The following PLCG2 variants were observed in gnomAD, a reference collection of about 807,000 sequenced individuals.
PLCG2 encodes the protein phospholipase C gamma 2.
In PLCG2, 69 loss-of-function variants were observed where a neutral mutation model predicts 175.6. The observed-to-expected ratio is 0.39, with a 90% CI of 0.32 to 0.48. The LOEUF (loss-of-function observed/expected upper bound fraction) is 0.48, where lower values mean the gene tolerates loss of function less well. Among genes scored for constraint, PLCG2 ranks in the 20% least tolerant of loss-of-function variants. PLCG2 has a pLI of 0.91. For synonymous variants in PLCG2, 827 were observed against 624.0 expected, an observed-to-expected ratio of 1.33 and a Z score of -4.85; for missense variants, 1,798 against 1,650.9, an observed-to-expected ratio of 1.09 and a Z score of -1.54.
chr16:81,742,612 C>T (rs528471839), intron 1 of PLCG2, among the ~76,000 whole-genome samples: 30 of 152,296 alleles, frequency 2.0e-4, no homozygotes, highest in African/African-American at 7.0e-4. Context: ...GTGCTGGGAA[C>T]TGGGGTGGAC....
rs1223807834 is a variant in PLCG2 at position 81,865,981 on chromosome 16, C to T, written c.480-3233C>T. ...TCCCAGGATGGGCTCCACTGGGGCACCAGCGTGAGAGGACGCTGGCCTCTC... is the reference window on the plus strand; with the variant it reads ...TCCCAGGATGGGCTCCACTGGGGCATCAGCGTGAGAGGACGCTGGCCTCTC... On this transcript the variant is annotated intron_variant, in intron 5 of 32. Transcript: ENST00000564138. Among the ~76,000 whole-genome samples, 6 of 132,458 alleles carry T rather than the reference C, an allele frequency of 4.5e-5. No homozygotes were observed. The East Asian group carries it at 1.5e-3, about 32-fold the overall frequency. 86.9% of individuals were successfully genotyped at this position (132,458 alleles called of 152,430 possible).
intron 2 of PLCG2, among the ~76,000 whole-genome samples, chr16:81,762,825 A>G (rs1488782161): frequency 1.3e-5 from 2 of 152,222 alleles, no homozygotes; most frequent in Non-Finnish European, 2.9e-5. Flanking sequence ...TGGGTGGCCA[A>G]GGCAGGAGGA....
At chr16:81,830,179 G>T (rs1391028811) in intron 2 of PLCG2, among the ~76,000 whole-genome samples, 1 of 152,000 alleles carries the variant, frequency 6.6e-6, no homozygotes, top group South Asian at 2.1e-4. Flanking sequence ...AATTAGCCAG[G>T]CATGTTGGCA....
At chr16:81,829,632 G>C (rs1905182127) in intron 2 of PLCG2, among the ~76,000 whole-genome samples, 1 of 152,212 alleles carries the variant, frequency 6.6e-6, no homozygotes, top group Non-Finnish European at 1.5e-5. Flanking sequence ...CTCCTCGTAT[G>C]TTCTCCTTCT....
At chr16:81,895,640 AG>A in intron 12 of PLCG2, 166 bp from the exon 13 acceptor site, 1 of 659,440 alleles carries the variant, frequency 1.5e-6, no homozygotes, top group Non-Finnish European at 2.6e-6. Flanking sequence ...GTAAGCGCAC[AG>A]GGAACCCTGC....
intron 2 of PLCG2, among the ~76,000 whole-genome samples, chr16:81,852,990 C>G (rs749377727): frequency 7.2e-5 from 11 of 152,170 alleles, no homozygotes; most frequent in East Asian, 1.9e-4. Context: ...TACACAGAGG[C>G]TGGCTTCCCC....
rs1424879450 is a variant in PLCG2 at position 81,786,157 on chromosome 16, G to A, written c.168G>A (p.Lys56=). 5 of 1,614,034 alleles carry A rather than the reference G, an allele frequency of 3.1e-6. No homozygotes were observed. In the South Asian group the frequency reaches 4.4e-5, roughly 14 times the overall value. Residue 56 remains lysine (K), a synonymous_variant, in exon 2 of 33, where the codon AAG becomes AAA. Coordinates refer to ENST00000564138, the MANE Select transcript of PLCG2 (RefSeq NM_002661.5). ...AGACGCGGCAGGTGGCCTGGAGCAA[G>A]ACCGCTGACAAGATCGAGGGCTTCT... The part of the protein sequence containing the change: ...IMETRQVAWS[K]TADKIEGFLD...
At chr16:81,920,957 A>T (rs1302396032) in intron 20 of PLCG2, among the ~76,000 whole-genome samples, 1 of 152,206 alleles carries the variant, frequency 6.6e-6, no homozygotes, top group Non-Finnish European at 1.5e-5. Context: ...AAAGGAACGC[A>T]GTGCCTGGCA....
chr16:81,838,911 C>A (rs1905675391), intron 2 of PLCG2, among the ~76,000 whole-genome samples: 1 of 151,868 alleles, frequency 6.6e-6, no homozygotes, highest in South Asian at 2.1e-4. Flanking sequence ...CCCGGTGACC[C>A]AGTCCTCTCT....
intron 2 of PLCG2, among the ~76,000 whole-genome samples, chr16:81,836,602 A>G (rs1226972399): frequency 1.3e-5 from 2 of 152,300 alleles, no homozygotes; most frequent in East Asian, 1.9e-4. Flanking sequence ...TTAGCCGGGC[A>G]TGATGGCACA....
intron 29 of PLCG2, among the ~76,000 whole-genome samples, chr16:81,939,577 T>C (rs1910853932): frequency 6.6e-6 from 1 of 151,368 alleles, no homozygotes; most frequent in African/African-American, 2.4e-5. Flanking sequence ...CCTTTTGTCT[T>C]TTCCAAAATC....
chr16:81,763,583 T>C (rs866911874), intron 2 of PLCG2, among the ~76,000 whole-genome samples: 5 of 152,364 alleles, frequency 3.3e-5, no homozygotes, highest in Middle Eastern at 3.4e-3. Context: ...TCTAACGTCA[T>C]CTTGGGGCTC....
At chr16:81,896,217 C>T (rs1007273892) in intron 13 of PLCG2, among the ~76,000 whole-genome samples, 3 of 152,148 alleles carry the variant, frequency 2.0e-5, no homozygotes, top group South Asian at 2.1e-4. Context: ...GTCTGGCCCC[C>T]ACTTTCAGAA....
intron 2 of PLCG2, among the ~76,000 whole-genome samples, chr16:81,843,025 G>A (rs1444169956): frequency 1.3e-5 from 2 of 149,308 alleles, no homozygotes; most frequent in African/African-American, 5.0e-5. Flanking sequence ...AAGACCCGAG[G>A]TGATGCTGGG....
In PLCG2 at chr16:81,910,578, A is replaced by C; in HGVS notation, c.1792A>C (p.Lys598Gln). Reference protein sequence around the residue: ...IRSTMEGGTLKYYLTDNLTFS... With the variant: ...IRSTMEGGTLQYYLTDNLTFS... ...CTCCACCATGGAGGGCGGGACCCTG[A>C]AATACTACTTGACTGACAACCTCAC... Residue 598 changes from lysine to glutamine, a missense_variant, in exon 18 of 33, where the codon AAA (lysine) becomes CAA (glutamine). Lys to Gln is a moderately conservative substitution (Grantham distance 53). Transcript: ENST00000564138. 1 of 1,614,136 alleles carries C rather than the reference A, an allele frequency of 6.2e-7. No individual in the cohort carries two copies. The highest frequency in any genetic ancestry group is 8.5e-7 in the Non-Finnish European group (1 of 1,180,004).
At chr16:81,895,439 A>G (rs1908837654) in intron 12 of PLCG2, among the ~76,000 whole-genome samples, 1 of 152,194 alleles carries the variant, frequency 6.6e-6, no homozygotes, top group Non-Finnish European at 1.5e-5. Context: ...ACGCGCCTGT[A>G]GTCCCAGTTA....
At chr16:81,873,874 A>G (rs1013518619) in intron 7 of PLCG2, among the ~76,000 whole-genome samples, 1 of 152,254 alleles carries the variant, frequency 6.6e-6, no homozygotes, top group Non-Finnish European at 1.5e-5. Context: ...AACATTCCAC[A>G]TGAGAGGTAT....
intron 5 of PLCG2, 74 bp from the exon 6 acceptor site, chr16:81,869,140 A>T (rs1433913529): frequency 9.2e-7 from 1 of 1,087,486 alleles, no homozygotes; most frequent in African/African-American, 1.5e-5. Flanking sequence ...TGAGGTGGGA[A>T]CTGATGGGAG....
chr16:81,910,530 C>T lies in PLCG2; in HGVS notation c.1744C>T (p.Arg582Trp), dbSNP rs1339374297. ...DYTLSFWRSG[R>W]VQHCRIRSTM... ...GTCCTCTCCCCGCAGGCGGTCAGGC[C>T]GGGTCCAGCACTGCCGGATCCGCTC... is the stretch of plus-strand genomic sequence containing the variant. The change falls in exon 18 of 33, where the codon CGG becomes TGG. Residue 582 changes from arginine to tryptophan, a missense_variant. Arg to Trp is a moderately radical substitution (Grantham distance 101, BLOSUM62 -3). Coordinates refer to ENST00000564138, the MANE Select transcript of PLCG2 (RefSeq NM_002661.5). 2 of 1,613,934 alleles carry T rather than the reference C, an allele frequency of 1.2e-6. No individual in the cohort carries two copies. Among genetic ancestry groups the T allele is most frequent in the Non-Finnish European group, 1.7e-6 (2 of 1,179,958 alleles).
Sources: gnomAD v4.1 joint callset for allele counts (sites outside exome capture counted in the v4.1 genomes callset) on GRCh38, gnomAD v4.1.1 for gene constraint, MANE v1.5 for transcripts, NCBI Gene and HGNC (gene_info 2026-07-23, HGNC 2026-07-21) for gene names.